SLMAP: variants seen among roughly 807,000 people sequenced by gnomAD.
SLMAP encodes the protein sarcolemma associated protein.
Under a neutral mutation model 128.8 loss-of-function variants are expected in SLMAP, and 44 were observed. That is an observed-to-expected ratio of 0.34 (90% CI 0.27 to 0.44). The LOEUF (loss-of-function observed/expected upper bound fraction) is 0.44. Ranked by LOEUF, SLMAP falls within the 20% of genes least tolerant of loss-of-function variation. The pLI, the probability that SLMAP is intolerant of heterozygous loss-of-function variation, is 1.00. For synonymous variants in SLMAP, 327 were observed against 348.8 expected, an observed-to-expected ratio of 0.94 and a Z score of 0.70; for missense variants, 787 against 985.3, an observed-to-expected ratio of 0.80 and a Z score of 2.69.
intron 4 of SLMAP, among the ~76,000 whole-genome samples, chr3:57,842,165 G>T (rs181721146): frequency 1.6e-3 from 247 of 152,244 alleles, no homozygotes; most frequent in African/African-American, 5.6e-3. Context: ...GTAGAGCATT[G>T]AATAGGAAAG....
At chr3:57,917,818 T>G (rs996719450) in intron 22 of SLMAP, 2 of 152,214 alleles carry the variant, frequency 1.3e-5, no homozygotes, top group Non-Finnish European at 2.9e-5. Context: ...GCTCGGGGAA[T>G]GGAGAAGCCT....
intron 2 of SLMAP, among the ~76,000 whole-genome samples, chr3:57,812,276 A>C (rs2091118549): frequency 6.6e-6 from 1 of 152,122 alleles, no homozygotes; most frequent in African/African-American, 2.4e-5. Context: ...CTCCAACTTC[A>C]TTGTTTTGTA....
chr3:57,869,630 T>TTATATATATATATATA (rs55916379), intron 13 of SLMAP, among the ~76,000 whole-genome samples: 1,690 of 74,916 alleles, frequency 0.023, 29 homozygotes, highest in East Asian at 0.033. Context: ...CCCATCTCTA[T>TTATATATATATATATA]TATATATATA....
chr3:57,857,698 C>T (rs1180208456), intron 6 of SLMAP, 35 bp from the exon 7 acceptor site: 2 of 1,354,386 alleles, frequency 1.5e-6, no homozygotes, highest in Non-Finnish European at 2.1e-6. Flanking sequence ...TCATGATGAG[C>T]TTATTAGAAT....
chr3:57,858,713 C>T (rs992012663), intron 8 of SLMAP, among the ~76,000 whole-genome samples: 2 of 152,096 alleles, frequency 1.3e-5, no homozygotes, highest in Non-Finnish European at 2.9e-5. Flanking sequence ...GAGGATGAGG[C>T]GGGCGAATCA....
At chr3:57,894,651 C>A (rs1315141844) in intron 15 of SLMAP, among the ~76,000 whole-genome samples, 4 of 151,966 alleles carry the variant, frequency 2.6e-5, no homozygotes, top group African/African-American at 4.8e-5. Flanking sequence ...CACAAAGATA[C>A]AATTAAAAGG....
intron 2 of SLMAP, among the ~76,000 whole-genome samples, chr3:57,764,407 C>T (rs2079250456): frequency 6.6e-6 from 1 of 150,842 alleles, no homozygotes; most frequent in South Asian, 2.1e-4. Context: ...GAGGCTGAGG[C>T]AGGATAATCA....
At position 57,912,406 on chromosome 3, in the gene SLMAP, T is replaced by C. The variant is rs759612216; in HGVS notation, c.1725T>C (p.Asp575=). Residue 575 remains aspartate (D), a synonymous_variant, in exon 20 of 25, where the codon GAT becomes GAC. Transcript: ENST00000671191. The part of the protein sequence containing the change: ...LQAQLQRLHI[D]TENLREEKDS... ...CCCAATTGCAGAGGTTACACATCGA[T>C]ACTGAGAATCTCCGGGAGGAGAAGG... 7 of 1,613,238 alleles carry C rather than the reference T, an allele frequency of 4.3e-6. No individual in the cohort carries two copies. The highest frequency in any genetic ancestry group is 1.1e-5 in the South Asian group (1 of 91,078).
intron 17 of SLMAP, chr3:57,900,184 T>C (rs2096342398): frequency 6.6e-6 from 1 of 152,172 alleles, no homozygotes; most frequent in Non-Finnish European, 1.5e-5. Flanking sequence ...TTTTCAAGTT[T>C]TTTTTCCCCT....
intron 22 of SLMAP, among the ~76,000 whole-genome samples, chr3:57,919,770 A>G (rs1177910476): frequency 4.0e-5 from 6 of 151,414 alleles, no homozygotes; most frequent in Non-Finnish European, 4.4e-5. Flanking sequence ...ACTCCAGCCT[A>G]GGCAACAAGA....
chr3:57,800,683 A>AT (rs2088060982), intron 2 of SLMAP: 1 of 152,698 alleles, frequency 6.5e-6, no homozygotes, highest in South Asian at 2.1e-4. Context: ...CACATAGAAT[A>AT]TTCATTCTGT....
intron 22 of SLMAP, 108 bp from the exon 23 acceptor site, chr3:57,922,781 T>C: frequency 2.0e-6 from 2 of 999,480 alleles, no homozygotes; most frequent in Non-Finnish European, 2.9e-6. Flanking sequence ...GACTTGACTT[T>C]GGTGTTCCAG....
In SLMAP at chr3:57,857,821, G is replaced by T; in HGVS notation, c.608G>T (p.Ser203Ile). Reference sequence around the variant, plus strand: ...ATCACCCAAGAGGCTTCAGATACCAGTTGGCAGGTATTCCAGTTGTTTTAT... The same window carrying T: ...ATCACCCAAGAGGCTTCAGATACCATTTGGCAGGTATTCCAGTTGTTTTAT... ...LAITQEASDTSWQALIDEDRL... is the reference protein window; with the variant it reads ...LAITQEASDTIWQALIDEDRL... The change falls in exon 7 of 25, where the codon AGT becomes ATT. Residue 203 changes from serine (S) to isoleucine (I), a missense_variant. Ser to Ile is a moderately radical substitution (Grantham distance 142, BLOSUM62 -2). Around this residue, in one of 2 missense-constraint regions of SLMAP, gnomAD observed 715 missense variants for 843.6 expected, o/e 0.85. Transcript: ENST00000671191. 1.2e-6 allele frequency: 2 copies of T among 1,600,072 alleles called. No homozygotes were observed. The highest frequency in any genetic ancestry group is 1.7e-6 in the Non-Finnish European group (2 of 1,167,474).
intron 3 of SLMAP, among the ~76,000 whole-genome samples, chr3:57,838,139 C>T (rs1221889954): frequency 6.6e-6 from 1 of 152,132 alleles, no homozygotes. Context: ...TATTCTATAA[C>T]TTGTTCTACC....
rs879366090 is a variant in SLMAP at position 57,848,152 on chromosome 3, CCTT to C, written c.456+928_456+930del. Among the ~76,000 whole-genome samples the C allele has an allele frequency of 2.1e-4, 32 of 152,142 alleles. No individual in the cohort carries two copies. The East Asian group carries it at 3.9e-3, about 18-fold the overall frequency. On this transcript the variant is annotated intron_variant, in intron 5 of 24. Coordinates refer to ENST00000671191, the MANE Select transcript of SLMAP (RefSeq NM_001377540.1). Reference sequence around the variant, plus strand: ...TTACAGCAACCCAGTAGTCCTTCTTCCTTCTTCTTCTCCTCCTGCTCCTGCTCC... The same window carrying C: ...TTACAGCAACCCAGTAGTCCTTCTTCCTTCTTCTCCTCCTGCTCCTGCTCC...
chr3:57,809,411 C>T (rs1392446284), intron 2 of SLMAP, among the ~76,000 whole-genome samples: 1 of 152,202 alleles, frequency 6.6e-6, no homozygotes, highest in East Asian at 1.9e-4. Flanking sequence ...TGCTGACATA[C>T]CAGCCTCCTG....
At chr3:57,827,690 C>T (rs1344848899) in intron 2 of SLMAP, among the ~76,000 whole-genome samples, 1 of 152,248 alleles carries the variant, frequency 6.6e-6, no homozygotes, top group Non-Finnish European at 1.5e-5. Context: ...GCAAATACTA[C>T]AGCTGCTAGG....
intron 14 of SLMAP, among the ~76,000 whole-genome samples, chr3:57,888,033 A>T (rs541673351): frequency 1.2e-4 from 18 of 152,328 alleles, no homozygotes; most frequent in African/African-American, 3.6e-4. Context: ...GAGAAGCAAA[A>T]TCACAAAGTA....
chr3:57,851,352 GTTTT>G (rs11297177), intron 6 of SLMAP, among the ~76,000 whole-genome samples: 1 of 133,350 alleles, frequency 7.5e-6, no homozygotes, highest in African/African-American at 2.7e-5. Flanking sequence ...GTTTTGGGTT[GTTTT>G]TTTTTTTTTT....
Sources: allele counts gnomAD v4.1 joint callset (sites outside exome capture counted in the v4.1 genomes callset), GRCh38; gene constraint gnomAD v4.1.1; regional missense constraint gnomAD v4.1.1; transcripts MANE v1.5; gene names NCBI Gene and HGNC (gene_info 2026-07-23, HGNC 2026-07-21).